The following KANK1 variants were observed in gnomAD, a reference collection of about 807,000 sequenced individuals.
KANK1 encodes KN motif and ankyrin repeat domain-containing protein 1.
KANK1 carries 109 observed loss-of-function variants against 106.2 expected under a neutral mutation model. That is an observed-to-expected ratio of 1.03 (90% CI 0.88 to 1.20). The LOEUF (loss-of-function observed/expected upper bound fraction) is 1.20, where lower values mean the gene tolerates loss of function less well. Among genes scored for constraint, KANK1 ranks in the 50% most tolerant of loss-of-function variants. The pLI is 0.00. For missense variants in KANK1, 2,399 were observed against 1,710.7 expected, an observed-to-expected ratio of 1.40 and a Z score of -7.10; for synonymous variants, 873 against 652.2, an observed-to-expected ratio of 1.34 and a Z score of -5.16.
intron 3 of KANK1, among the ~76,000 whole-genome samples, chr9:728,057 CAG>C (rs1831211726): frequency 6.6e-6 from 1 of 152,172 alleles, no homozygotes; most frequent in South Asian, 2.1e-4. Flanking sequence ...GAGTGACAAA[CAG>C]ACTCTTTATA....
rs953329870 is a variant in KANK1 at position 642,497 on chromosome 9, A to G, written c.-83-34393A>G. On this transcript the variant is annotated intron_variant, in intron 1 of 11. Coordinates refer to ENST00000382297, the MANE Select transcript of KANK1 (RefSeq NM_015158.5). ...TTTTGAACAAGTGTTTGATTTTGCT[A>G]ATCTTGGTAGTGCATAAGGTCACTT... 1.7e-4 allele frequency among the ~76,000 whole-genome samples: 25 copies of G among 151,018 alleles called. 4 individuals carry two copies. Among genetic ancestry groups the G allele is most frequent in the African/African-American group, 6.2e-4 (25 of 40,294 alleles).
rs1283954995 is a variant in KANK1 at position 711,779 on chromosome 9, C to T, written c.1013C>T (p.Ala338Val). Residue 338 changes from alanine to valine, a missense_variant, in exon 3 of 12, where the codon GCC (alanine) becomes GTC (valine). Transcript: ENST00000382297. ...TCCCAGCTGGAACAGCTCTCCCGGG[C>T]CCGAAGAAGTGGCGGGGAATTATAC... Reference protein sequence around the residue: ...NASQLEQLSRARRSGGELYID... With the variant: ...NASQLEQLSRVRRSGGELYID... The T allele has an allele frequency of 1.2e-6, 2 of 1,614,030 alleles. No homozygotes were observed. The highest frequency in any genetic ancestry group is 4.5e-5 in the East Asian group (2 of 44,886).
At chr9:706,721 A>G (rs977401866) in intron 2 of KANK1, 1 of 935,736 alleles carries the variant, frequency 1.1e-6, no homozygotes, top group East Asian at 1.2e-4. Context: ...ACGTGTCATA[A>G]GCCCAGGGCT....
chr9:680,564 G>C (rs1817338831), intron 2 of KANK1, among the ~76,000 whole-genome samples: 3 of 152,294 alleles, frequency 2.0e-5, no homozygotes, highest in Admixed American at 1.3e-4. Context: ...ATATAGGCCA[G>C]ATATACATGA....
intron 3 of KANK1, among the ~76,000 whole-genome samples, chr9:482,931 A>G (rs889343542): frequency 1.3e-5 from 2 of 152,142 alleles, no homozygotes; most frequent in African/African-American, 2.4e-5. Context: ...CGGGGTGTGA[A>G]TCATCTTTTT....
At chr9:480,701 C>G (rs10974745) in intron 3 of KANK1, among the ~76,000 whole-genome samples, 70,329 of 152,116 alleles carry the variant, frequency 0.46, 19,425 homozygotes, top group Non-Finnish European at 0.64. Flanking sequence ...TCCTCCTAAG[C>G]TCCCTGCCTC....
intron 1 of KANK1, among the ~76,000 whole-genome samples, chr9:599,840 C>G (rs1203224299): frequency 6.6e-6 from 1 of 151,802 alleles, no homozygotes; most frequent in Non-Finnish European, 1.5e-5. Flanking sequence ...GTCATGGAAC[C>G]AGTCCTCCTT....
intron 1 of KANK1, among the ~76,000 whole-genome samples, chr9:668,538 T>A (rs1845189616): frequency 6.6e-6 from 1 of 152,234 alleles, no homozygotes; most frequent in Non-Finnish European, 1.5e-5. Flanking sequence ...GGTTGTTTTG[T>A]AACTCTTCTC....
chr9:479,796 C>T (rs563662962), intron 3 of KANK1, among the ~76,000 whole-genome samples: 2 of 152,330 alleles, frequency 1.3e-5, no homozygotes, highest in Admixed American at 6.5e-5. Flanking sequence ...ACCCTTGGCT[C>T]ACCCACAAGG....
chr9:718,399 A>G (rs1434512509), intron 3 of KANK1, among the ~76,000 whole-genome samples: 1 of 146,968 alleles, frequency 6.8e-6, no homozygotes, highest in Non-Finnish European at 1.5e-5. Context: ...TGTAGCCTGA[A>G]CTTCCCGAGC....
At position 653,004 on chromosome 9, in the gene KANK1, A is replaced by G. The variant is rs141943036; in HGVS notation, c.-83-23886A>G. Among the ~76,000 whole-genome samples, 11 of 152,316 alleles carry G rather than the reference A, an allele frequency of 7.2e-5. No homozygotes were observed. The East Asian group carries it at 1.9e-3, about 27-fold the overall frequency. On this transcript the variant is annotated intron_variant, in intron 1 of 11. Coordinates refer to ENST00000382297, the MANE Select transcript of KANK1 (RefSeq NM_015158.5). ...CTGAATAGTCCTCACTGTGCCAGAG[A>G]AGCTTTCTGCGCACAGCTGGGTCCT...
At chr9:544,134 C>A (rs558190886) in intron 1 of KANK1, among the ~76,000 whole-genome samples, 23 of 151,904 alleles carry the variant, frequency 1.5e-4, no homozygotes, top group Non-Finnish European at 2.8e-4. Context: ...GATCTTCCCA[C>A]CTCAGCCTCC....
chr9:508,667 C>G (rs2058888658), intron 1 of KANK1, among the ~76,000 whole-genome samples: 1 of 151,094 alleles, frequency 6.6e-6, no homozygotes, highest in East Asian at 1.9e-4. Context: ...TTTTAGTATC[C>G]TGGTTTCTTT....
At chr9:538,461 T>A (rs1395824894) in intron 1 of KANK1, among the ~76,000 whole-genome samples, 1 of 152,218 alleles carries the variant, frequency 6.6e-6, no homozygotes, top group Non-Finnish European at 1.5e-5. Flanking sequence ...ACTCCATGAT[T>A]GACAAAACAA....
intron 1 of KANK1, among the ~76,000 whole-genome samples, chr9:575,479 G>A (rs1426656905): frequency 6.7e-6 from 1 of 148,858 alleles, no homozygotes; most frequent in Non-Finnish European, 1.5e-5. Flanking sequence ...ACCAGCTTGG[G>A]CAACATAGCA....
At position 507,259 on chromosome 9, in the gene KANK1, G is replaced by A. The variant is rs575333166; in HGVS notation, c.-84+2505G>A. Among the ~76,000 whole-genome samples, 151 of 152,182 alleles carry A rather than the reference G, an allele frequency of 9.9e-4. 1 individual carries two copies. Among genetic ancestry groups the A allele is most frequent in the Middle Eastern group, 3.4e-3 (1 of 294 alleles). ...AGTCCCAGCTACTTGGGAGGCTGAG[G>A]CAGGAGGATTGCTTTAGCCCAGGAG... On this transcript the variant is annotated intron_variant, in intron 1 of 11. Transcript: ENST00000382297.
intron 1 of KANK1, among the ~76,000 whole-genome samples, chr9:621,350 G>C (rs1833100643): frequency 6.6e-6 from 1 of 152,040 alleles, no homozygotes; most frequent in Non-Finnish European, 1.5e-5. Context: ...ACAAGTGTGA[G>C]CAAAGTCTTC....
chr9:598,913 TGAGCCAC>T (rs544342806), intron 1 of KANK1, among the ~76,000 whole-genome samples: 196 of 150,840 alleles, frequency 1.3e-3, no homozygotes, highest in Non-Finnish European at 2.2e-3. Context: ...ATTACGGGCA[TGAGCCAC>T]CATGCCCGGC....
chr9:709,180 A>C (rs1465968368), intron 2 of KANK1, among the ~76,000 whole-genome samples: 3 of 152,218 alleles, frequency 2.0e-5, no homozygotes, highest in Non-Finnish European at 2.9e-5. Flanking sequence ...TCCTACAGTT[A>C]AGACAGGGTT....
Sources: allele counts gnomAD v4.1 joint callset (sites outside exome capture counted in the v4.1 genomes callset), GRCh38; gene constraint gnomAD v4.1.1; transcripts MANE v1.5; gene names NCBI Gene and HGNC (gene_info 2026-07-23, HGNC 2026-07-21).